The following CLNK variants were observed in gnomAD, a reference collection of about 807,000 sequenced individuals.
CLNK encodes cytokine-dependent hematopoietic cell linker.
CLNK carries 74 observed loss-of-function variants against 68.6 expected under a neutral mutation model. The observed-to-expected ratio is 1.08, with a 90% CI of 0.89 to 1.31. The LOEUF (loss-of-function observed/expected upper bound fraction) is 1.31. CLNK is among the 50% of genes most tolerant of loss of function. The pLI is 0.00. For synonymous variants in CLNK, 198 were observed against 172.2 expected (o/e 1.15, Z -1.17); for missense variants, 553 against 515.3 (o/e 1.07, Z -0.71).
At chr4:10,671,884 C>T (rs1362505943) in intron 1 of CLNK, among the ~76,000 whole-genome samples, 15 of 152,154 alleles carry the variant, frequency 9.9e-5, no homozygotes, top group Non-Finnish European at 1.5e-5. Context: ...AAACAGCTTC[C>T]CCCCAACTTA....
intron 2 of CLNK, among the ~76,000 whole-genome samples, chr4:10,629,258 C>A (rs566662906): frequency 2.0e-5 from 3 of 152,168 alleles, no homozygotes; most frequent in African/African-American, 7.2e-5. Context: ...GTTGATTTAT[C>A]GTGAAACTTC....
chr4:10,696,901 G>A, the CLNK span, among the ~76,000 whole-genome samples: 5 of 152,154 alleles, frequency 3.3e-5, no homozygotes, highest in Non-Finnish European at 7.4e-5. Context: ...AGATTCCAGG[G>A]CCCTTCCCCA....
rs771050040 is a variant in CLNK, at chr4:10,520,809, G to C, written c.754C>G (p.His252Asp). 1 of 1,606,868 alleles carries C rather than the reference G, an allele frequency of 6.2e-7. No individual in the cohort carries two copies. Among genetic ancestry groups the C allele is most frequent in the African/African-American group, 1.3e-5 (1 of 74,818 alleles). ...CTCTTACCTCTGTTTTGCACACTGT[G>C]GTTGCTTGTCGTGAATGAAGAACTA... ...ISSSSFTTSN[H>D]SVQNRDHRGG... Residue 252 changes from histidine (H) to aspartate (D), a missense_variant, in exon 15 of 19, where the codon CAC (histidine) becomes GAC (aspartate). By Grantham distance (81) the His-to-Asp change is moderately conservative. Transcript: ENST00000226951.
At chr4:10,499,249 G>A (rs1019979720) in intron 18 of CLNK, among the ~76,000 whole-genome samples, 3 of 152,192 alleles carry the variant, frequency 2.0e-5, no homozygotes, top group Non-Finnish European at 2.9e-5. Context: ...GGGGACAGGG[G>A]CAGGACTTGT....
intron 17 of CLNK, among the ~76,000 whole-genome samples, chr4:10,507,268 C>T (rs183363529): frequency 2.6e-4 from 39 of 151,426 alleles, no homozygotes; most frequent in African/African-American, 7.8e-4. Context: ...CCCACCACCA[C>T]GCCTGGCTAA....
At chr4:10,513,220 A>G (rs1156345746) in intron 16 of CLNK, among the ~76,000 whole-genome samples, 1 of 152,230 alleles carries the variant, frequency 6.6e-6, no homozygotes, top group Non-Finnish European at 1.5e-5. Flanking sequence ...TTTTTAAAAA[A>G]ACACTTTAGA....
chr4:10,728,256 T>C, the CLNK span, among the ~76,000 whole-genome samples: 1 of 152,164 alleles, frequency 6.6e-6, no homozygotes, highest in Non-Finnish European at 1.5e-5. Flanking sequence ...AAACCTCTCT[T>C]GTCTCCCCAA....
At chr4:10,514,906 A>G (rs1717761866) in intron 15 of CLNK, among the ~76,000 whole-genome samples, 1 of 152,224 alleles carries the variant, frequency 6.6e-6, no homozygotes, top group Admixed American at 6.5e-5. Context: ...ACAAATTTAC[A>G]AGAAAAAAAC....
chr4:10,673,528 T>C (rs902096109), intron 1 of CLNK, among the ~76,000 whole-genome samples: 1 of 152,138 alleles, frequency 6.6e-6, no homozygotes, highest in South Asian at 2.1e-4. Context: ...GGGACATGGA[T>C]GAAGCTGGAA....
At chr4:10,519,621 G>A (rs1021889313) in intron 15 of CLNK, among the ~76,000 whole-genome samples, 4 of 152,186 alleles carry the variant, frequency 2.6e-5, no homozygotes, top group African/African-American at 9.7e-5. Flanking sequence ...TATGTGAGGG[G>A]AAGCGAATTT....
intron 2 of CLNK, among the ~76,000 whole-genome samples, chr4:10,602,236 T>A (rs1721611977): frequency 6.6e-6 from 1 of 152,230 alleles, no homozygotes; most frequent in South Asian, 2.1e-4. Context: ...CAGACCCTTA[T>A]TATTTTTCAT....
At chr4:10,503,086 A>G (rs768813877) in intron 17 of CLNK, among the ~76,000 whole-genome samples, 9 of 152,234 alleles carry the variant, frequency 5.9e-5, no homozygotes, top group Admixed American at 1.3e-4. Context: ...TTGTGGTTAC[A>G]TTGTGTTATT....
chr4:10,717,038 A>T, the CLNK span, among the ~76,000 whole-genome samples: 872 of 151,848 alleles, frequency 5.7e-3, 6 homozygotes, highest in African/African-American at 0.02. Context: ...AAAAAATTAT[A>T]TTCCACCCAC....
chr4:10,571,819 G>C, intron 4 of CLNK, 41 bp from the exon 5 acceptor site: 2 of 1,544,912 alleles, frequency 1.3e-6, no homozygotes, highest in Non-Finnish European at 8.9e-7. Flanking sequence ...TAATCACTGT[G>C]GTAGCTCCAA....
chr4:10,552,073 G>T (rs1250504188), intron 8 of CLNK, among the ~76,000 whole-genome samples: 3 of 151,948 alleles, frequency 2.0e-5, no homozygotes, highest in Non-Finnish European at 2.9e-5. Context: ...AGCCAGGATG[G>T]TCTCGATCTC....
At chr4:10,672,668 C>A (rs772731357) in intron 1 of CLNK, among the ~76,000 whole-genome samples, 126 of 152,196 alleles carry the variant, frequency 8.3e-4, no homozygotes, top group Non-Finnish European at 1.6e-3. Flanking sequence ...TATCTGGAAA[C>A]CTTAAAAAAT....
chr4:10,620,319 C>T (rs1577173588), intron 2 of CLNK, among the ~76,000 whole-genome samples: 1 of 152,186 alleles, frequency 6.6e-6, no homozygotes, highest in African/African-American at 2.4e-5. Flanking sequence ...GAACCCATTG[C>T]TTTGTCCTTT....
intron 4 of CLNK, among the ~76,000 whole-genome samples, chr4:10,580,642 A>C (rs1012212684): frequency 6.6e-6 from 1 of 152,056 alleles, no homozygotes; most frequent in Non-Finnish European, 1.5e-5. Flanking sequence ...AAAGTAAAAA[A>C]AAATAAAATA....
chr4:10,667,950 C>T, intron 1 of CLNK, 39 bp from the exon 2 acceptor site: 2 of 1,208,084 alleles, frequency 1.7e-6, no homozygotes, highest in East Asian at 2.5e-5. Context: ...GGAACTTCCA[C>T]ATCATGTTTT....
Sources: allele counts gnomAD v4.1 joint callset (sites outside exome capture counted in the v4.1 genomes callset), GRCh38; gene constraint gnomAD v4.1.1; transcripts MANE v1.5; gene names NCBI Gene and HGNC (gene_info 2026-07-23, HGNC 2026-07-21).